Variants in AZIN2 observed in about 807,000 individuals in gnomAD.
AZIN2 encodes the protein antizyme inhibitor 2.
A neutral mutation model predicts 47.8 loss-of-function variants in AZIN2; 28 were observed. The ratio of observed to expected loss-of-function variants is 0.59; its 90% CI spans 0.43 to 0.80. The LOEUF (loss-of-function observed/expected upper bound fraction) is 0.80, where lower values mean the gene tolerates loss of function less well. Ranked by LOEUF, AZIN2 falls within the 30% of genes least tolerant of loss-of-function variation. The pLI, the probability that AZIN2 is intolerant of heterozygous loss-of-function variation, is 0.00. For missense variants in AZIN2, 535 were observed against 582.5 expected, an observed-to-expected ratio of 0.92 and a Z score of 0.84; for synonymous variants, 221 against 239.4, an observed-to-expected ratio of 0.92 and a Z score of 0.71.
intron 10 of AZIN2, among the ~76,000 whole-genome samples, chr1:33,102,780 C>T (rs1643802479): frequency 6.6e-6 from 1 of 152,136 alleles, no homozygotes; most frequent in African/African-American, 2.4e-5. Context: ...CCCCTGAGCT[C>T]CAGACTTGCA....
At chr1:33,098,384 A>G (rs956320229) in intron 10 of AZIN2, among the ~76,000 whole-genome samples, 1 of 152,188 alleles carries the variant, frequency 6.6e-6, no homozygotes, top group Non-Finnish European at 1.5e-5. Context: ...TTTTCATGAC[A>G]TTGGAATCAT....
chr1:33,121,897 G>A lies in AZIN2; in HGVS notation c.*1715G>A, dbSNP rs1387314758. Among the ~76,000 whole-genome samples, 1 of 152,178 alleles carries A rather than the reference G, an allele frequency of 6.6e-6. No individual in the cohort carries two copies. The highest frequency in any genetic ancestry group is 1.5e-5 in the Non-Finnish European group (1 of 68,030). ...TCATCTCATGAGGCAATGTGGCATGGGTTTGGAGTGAACGAGGTGCTTTCT... is the reference window on the plus strand; with the variant it reads ...TCATCTCATGAGGCAATGTGGCATGAGTTTGGAGTGAACGAGGTGCTTTCT... On this transcript the variant is annotated 3_prime_UTR_variant, in exon 12 of 12. Transcript: ENST00000294517.
chr1:33,114,520 A>C lies in AZIN2; in HGVS notation c.1030-3382A>C, dbSNP rs1644439502. Among the ~76,000 whole-genome samples, 3 of 150,476 alleles carry C rather than the reference A, an allele frequency of 2.0e-5. No individual in the cohort carries two copies. In the South Asian group the frequency reaches 6.3e-4, roughly 32 times the overall value. ...AGGCGCCCGCCACCATGCCCGGCTA[A>C]TTTTTTGTATTTTTAGTAGAGACGG... On this transcript the variant is annotated intron_variant, in intron 10 of 11. Coordinates refer to ENST00000294517, the MANE Select transcript of AZIN2 (RefSeq NM_052998.4).
chr1:33,161,232 G>A, the AZIN2 span, among the ~76,000 whole-genome samples: 3,696 of 152,310 alleles, frequency 0.024, 79 homozygotes, highest in Non-Finnish European at 0.039. This position sits in a 1 kb window ranked among gnomAD's most constrained non-coding sequence, Gnocchi z 4.3. Context: ...ATTGAGAGAC[G>A]GGTTCTGAGC....
downstream of AZIN2, among the ~76,000 whole-genome samples, chr1:33,126,475 C>T (rs755449064): frequency 6.6e-6 from 1 of 152,190 alleles, no homozygotes; most frequent in Non-Finnish European, 1.5e-5. Flanking sequence ...ACTGTGCTTA[C>T]CACAGAGTAG....
downstream of AZIN2, among the ~76,000 whole-genome samples, chr1:33,127,975 T>C (rs1197472529): frequency 6.6e-6 from 1 of 152,178 alleles, no homozygotes; most frequent in East Asian, 1.9e-4. Context: ...ATTAGCTGTG[T>C]ATCCTGGCCT....
chr1:33,130,721 T>C, the AZIN2 span, among the ~76,000 whole-genome samples: 1 of 152,160 alleles, frequency 6.6e-6, no homozygotes, highest in Non-Finnish European at 1.5e-5. Context: ...AATTTTAAGG[T>C]AATTTGTTAG....
intron 8 of AZIN2, among the ~76,000 whole-genome samples, chr1:33,095,360 T>C (rs1193521256): frequency 2.0e-5 from 3 of 152,206 alleles, no homozygotes; most frequent in African/African-American, 7.2e-5. Flanking sequence ...ATACTCAGGA[T>C]TTGTTAAATT....
At chr1:33,093,256 C>A in intron 6 of AZIN2, 26 bp from the exon 7 acceptor site, 1 of 1,612,558 alleles carries the variant, frequency 6.2e-7, no homozygotes, top group Non-Finnish European at 8.5e-7. Flanking sequence ...GTTTGTCCAG[C>A]AGAGGGGCAC....
At chr1:33,105,168 T>C (rs1643936316) in intron 10 of AZIN2, among the ~76,000 whole-genome samples, 1 of 152,198 alleles carries the variant, frequency 6.6e-6, no homozygotes, top group Non-Finnish European at 1.5e-5. Context: ...GCCCAAAATC[T>C]CTAATTTACA....
At chr1:33,157,823 C>T in the AZIN2 span, among the ~76,000 whole-genome samples, 1 of 151,704 alleles carries the variant, frequency 6.6e-6, no homozygotes, top group Non-Finnish European at 1.5e-5. Flanking sequence ...GTGGCTCAGT[C>T]TCAGCTCACT....
chr1:33,149,328 A>G, the AZIN2 span, among the ~76,000 whole-genome samples: 1 of 151,748 alleles, frequency 6.6e-6, no homozygotes. Flanking sequence ...AATTTTTTGT[A>G]TTTTTAGTAG....
the AZIN2 span, chr1:33,146,098 C>T: frequency 4.1e-5 from 13 of 313,908 alleles, no homozygotes; most frequent in African/African-American, 2.2e-4. Context: ...CTGGTCACAA[C>T]AGACATGATG....
the AZIN2 span, among the ~76,000 whole-genome samples, chr1:33,137,760 A>G: frequency 2.6e-5 from 4 of 152,250 alleles, no homozygotes; most frequent in Non-Finnish European, 2.9e-5. Flanking sequence ...TCTGATACCT[A>G]CCTGCCCCTG....
the AZIN2 span, chr1:33,159,813 C>T: frequency 6.2e-7 from 1 of 1,613,894 alleles, no homozygotes; most frequent in Non-Finnish European, 8.5e-7. This position sits in a 1 kb window ranked among gnomAD's most constrained non-coding sequence, Gnocchi z 4.2. Flanking sequence ...GGACTTTCTG[C>T]TCGATGTCGG....
intron 4 of AZIN2, 67 bp downstream of exon 4, chr1:33,082,421 G>A (rs1253623892): frequency 8.6e-7 from 1 of 1,158,026 alleles, no homozygotes; most frequent in Non-Finnish European, 1.2e-6. Context: ...CTCAGGAAGG[G>A]TCCCTAGGGC....
intron 10 of AZIN2, among the ~76,000 whole-genome samples, chr1:33,100,212 T>G (rs1049554056): frequency 6.6e-6 from 1 of 151,798 alleles, no homozygotes; most frequent in Non-Finnish European, 1.5e-5. Context: ...TCGCAGCTAC[T>G]TGGGAGGCTA....
chr1:33,090,561 G>A (rs540429500), intron 5 of AZIN2, among the ~76,000 whole-genome samples: 42 of 152,316 alleles, frequency 2.8e-4, no homozygotes, highest in African/African-American at 7.7e-4. Context: ...TACACCAGCA[G>A]TGCTTTTGTT....
intron 10 of AZIN2, among the ~76,000 whole-genome samples, chr1:33,117,430 C>A (rs572809558): frequency 1.3e-5 from 2 of 152,290 alleles, no homozygotes; most frequent in South Asian, 2.1e-4. Flanking sequence ...GACATATCGA[C>A]GTCTGGAAAG....
Sources: gnomAD v4.1 joint callset for allele counts (sites outside exome capture counted in the v4.1 genomes callset) on GRCh38, gnomAD v4.1.1 for gene constraint, Gnocchi (gnomAD v3.1) non-coding constraint, MANE v1.5 for transcripts, NCBI Gene and HGNC (gene_info 2026-07-23, HGNC 2026-07-21) for gene names.